LYN: variants seen among roughly 807,000 people sequenced by gnomAD.
LYN encodes LYN proto-oncogene, Src family tyrosine kinase.
Under a neutral mutation model 65.0 loss-of-function variants are expected in LYN, and 12 were observed. The ratio of observed to expected loss-of-function variants is 0.18; its 90% CI spans 0.12 to 0.30. The LOEUF is 0.30. Ranked by LOEUF, LYN falls within the 10% of genes least tolerant of loss-of-function variation. LYN has a pLI of 1.00. For synonymous variants in LYN, 222 were observed against 221.2 expected, an observed-to-expected ratio of 1.00 and a Z score of -0.03; for missense variants, 380 against 623.2, an observed-to-expected ratio of 0.61 and a Z score of 4.16.
rs902085985 is a variant in LYN at position 56,010,751 on chromosome 8, G to A, written c.*641G>A. ...CTGCTAGACATGCCATAGGAGTGGCGTGCACATCTCTCTCTCTTCCAGCAG... is the reference window on the plus strand; with the variant it reads ...CTGCTAGACATGCCATAGGAGTGGCATGCACATCTCTCTCTCTTCCAGCAG... On this transcript the variant is annotated 3_prime_UTR_variant, in exon 13 of 13. Transcript: ENST00000519728. 48 of 230,166 alleles carry A rather than the reference G, an allele frequency of 2.1e-4. 1 individual carries two copies. Among genetic ancestry groups the A allele is most frequent in the Non-Finnish European group, 8.6e-5 (10 of 116,336 alleles). The allele number at this position is 230,166 out of a possible 1,614,324, so 14.3% of individuals were successfully genotyped here.
At chr8:56,007,227 G>A (rs1258629300) in intron 12 of LYN, among the ~76,000 whole-genome samples, 1 of 152,180 alleles carries the variant, frequency 6.6e-6, no homozygotes, top group Non-Finnish European at 1.5e-5. Context: ...TATCATACTG[G>A]ATGTTAGTCC....
intron 1 of LYN, among the ~76,000 whole-genome samples, chr8:55,896,372 G>A (rs1408088312): frequency 6.6e-6 from 1 of 152,072 alleles, no homozygotes; most frequent in African/African-American, 2.4e-5. Context: ...GATGCAGCTG[G>A]AAACCATCAT....
chr8:55,905,828 C>T (rs1256991212), intron 1 of LYN, among the ~76,000 whole-genome samples: 1 of 152,118 alleles, frequency 6.6e-6, no homozygotes, highest in East Asian at 1.9e-4. Flanking sequence ...AGGGACTTCC[C>T]ATTAGGCCTG....
chr8:56,002,289 G>A (rs1808534711), intron 12 of LYN, among the ~76,000 whole-genome samples: 1 of 152,188 alleles, frequency 6.6e-6, no homozygotes, highest in Middle Eastern at 3.4e-3. Context: ...CGTGGTGGCA[G>A]GCGCCTGTAG....
chr8:55,922,561 A>C (rs1312384352), intron 1 of LYN, among the ~76,000 whole-genome samples: 1 of 152,094 alleles, frequency 6.6e-6, no homozygotes, highest in African/African-American at 2.4e-5. Flanking sequence ...AATTCTCAAG[A>C]GTTCAAGACC....
chr8:55,942,337 A>ATATGTG (rs1364584497), intron 2 of LYN, among the ~76,000 whole-genome samples: 1 of 142,036 alleles, frequency 7.0e-6, no homozygotes, highest in Non-Finnish European at 1.5e-5. Flanking sequence ...ATGTGTATAT[A>ATATGTG]TATATGTGTA....
At chr8:55,962,580 T>C (rs1306654060) in intron 8 of LYN, among the ~76,000 whole-genome samples, 1 of 152,178 alleles carries the variant, frequency 6.6e-6, no homozygotes, top group Non-Finnish European at 1.5e-5. Flanking sequence ...TCATTCCATA[T>C]GGTATTGGTG....
At chr8:55,962,082 C>T (rs563118407) in intron 8 of LYN, among the ~76,000 whole-genome samples, 3 of 152,330 alleles carry the variant, frequency 2.0e-5, no homozygotes, top group South Asian at 2.1e-4. Flanking sequence ...TTTTACTCAA[C>T]GGGTTGGTGA....
intron 1 of LYN, among the ~76,000 whole-genome samples, chr8:55,915,779 AAGAG>A (rs547465450): frequency 1.4e-4 from 22 of 151,794 alleles, no homozygotes; most frequent in Admixed American, 3.3e-4. Flanking sequence ...AGTGCTGCCA[AAGAG>A]AGAGAGAGAA....
rs116669620 is a variant in LYN, at chr8:55,896,526, A to T, written c.-6+16423A>T. On this transcript the variant is annotated intron_variant, in intron 1 of 12. Coordinates refer to ENST00000519728, the MANE Select transcript of LYN (RefSeq NM_002350.4). ...TCGGGGGGTGGGGGGCCTAAGGGAG[A>T]GATGGCATTAGGAGAAATACCTAAT... 6.7e-4 allele frequency among the ~76,000 whole-genome samples: 102 copies of T among 152,050 alleles called. 1 individual carries two copies. Among genetic ancestry groups the T allele is most frequent in the African/African-American group, 2.3e-3 (97 of 41,456 alleles).
intron 10 of LYN, among the ~76,000 whole-genome samples, chr8:55,984,145 C>A (rs983188220): frequency 6.6e-6 from 1 of 152,162 alleles, no homozygotes. Flanking sequence ...CACCCTAAAT[C>A]CAGGGTGAGA....
chr8:55,979,424 G>A (rs187976737), intron 10 of LYN, among the ~76,000 whole-genome samples: 1 of 152,242 alleles, frequency 6.6e-6, no homozygotes, highest in Non-Finnish European at 1.5e-5. Context: ...TAAATTATTG[G>A]TTTTTAAAAA....
intron 1 of LYN, among the ~76,000 whole-genome samples, chr8:55,883,595 T>C (rs73684163): frequency 0.013 from 1,938 of 152,352 alleles, 55 homozygotes; most frequent in African/African-American, 0.044. Flanking sequence ...AGTAATACTT[T>C]GCAAAAGGAC....
At chr8:55,991,476 G>A (rs143329919) in intron 10 of LYN, among the ~76,000 whole-genome samples, 4 of 152,312 alleles carry the variant, frequency 2.6e-5, no homozygotes, top group African/African-American at 9.6e-5. Flanking sequence ...ATGACTGGAA[G>A]TCTATCTATC....
At chr8:55,970,743 A>C (rs1242646811) in intron 10 of LYN, among the ~76,000 whole-genome samples, 1 of 152,128 alleles carries the variant, frequency 6.6e-6, no homozygotes, top group Non-Finnish European at 1.5e-5. Context: ...CAGGTTCTGT[A>C]ATAGAGCATC....
chr8:55,944,269 G>A (rs1167782810), intron 2 of LYN, among the ~76,000 whole-genome samples: 3 of 151,870 alleles, frequency 2.0e-5, no homozygotes. Flanking sequence ...CCTATTACAG[G>A]CAGTGAAAGA....
chr8:55,914,502 G>T (rs961730974), intron 1 of LYN, among the ~76,000 whole-genome samples: 1 of 152,148 alleles, frequency 6.6e-6, no homozygotes, highest in Non-Finnish European at 1.5e-5. Context: ...AGTGAATCAA[G>T]CCAGGTCAGC....
intron 10 of LYN, among the ~76,000 whole-genome samples, chr8:55,997,740 T>C (rs1394595561): frequency 6.6e-6 from 1 of 152,230 alleles, no homozygotes; most frequent in Non-Finnish European, 1.5e-5. Flanking sequence ...TCTATGTATC[T>C]ACATGGATGA....
rs184706855 is a variant in LYN, at chr8:56,001,681, C to T, written c.1336+2132C>T. On this transcript the variant is annotated intron_variant, in intron 12 of 12. Transcript: ENST00000519728. ...AGCCCCAGTGTCTGATGTTATATAT[C>T]TCTATCTCCATCTATGCCTACATCT... 7.4e-4 allele frequency among the ~76,000 whole-genome samples: 112 copies of T among 152,318 alleles called. 1 individual carries two copies. In the Middle Eastern group the frequency reaches 0.01, roughly 14 times the overall value.
Sources: allele counts gnomAD v4.1 joint callset (sites outside exome capture counted in the v4.1 genomes callset), GRCh38; gene constraint gnomAD v4.1.1; transcripts MANE v1.5; gene names NCBI Gene and HGNC (gene_info 2026-07-23, HGNC 2026-07-21).